ZNF831: variants seen among roughly 807,000 people sequenced by gnomAD.
ZNF831 encodes chromosome 20 open reading frame 174.
A neutral mutation model predicts 95.8 loss-of-function variants in ZNF831; 59 were observed. The observed-to-expected ratio is 0.62, with a 90% CI of 0.50 to 0.77. The LOEUF (loss-of-function observed/expected upper bound fraction) is 0.77. Among genes scored for constraint, ZNF831 ranks in the 30% least tolerant of loss-of-function variants. The pLI, the probability that ZNF831 is intolerant of heterozygous loss-of-function variation, is 0.00. For missense variants in ZNF831, 2,205 were observed against 2,164.0 expected, an observed-to-expected ratio of 1.02 and a Z score of -0.38; for synonymous variants, 961 against 925.5, an observed-to-expected ratio of 1.04 and a Z score of -0.70.
chr20:59,192,653 G>A lies in ZNF831; in HGVS notation c.1634G>A (p.Arg545His), dbSNP rs772646602. The change falls in exon 2 of 6, where the codon CGC (arginine) becomes CAC (histidine). Residue 545 changes from arginine to histidine, a missense_variant. By Grantham distance (29) the Arg-to-His change is conservative (BLOSUM62 0). Transcript: ENST00000371030. The surrounding 1 kb of genome is among the most constrained non-coding windows in gnomAD (Gnocchi z 5.2). ...PRPGPARLGC[R>H]SGLSSTDVPS... ...CCCGGCCCAGCCCGCCTGGGCTGCC[G>A]CTCGGGACTAAGCTCGACTGACGTT... is the stretch of plus-strand genomic sequence containing the variant. The A allele has an allele frequency of 1.3e-5, 20 of 1,514,052 alleles. No homozygotes were observed. The highest frequency in any genetic ancestry group is 1.4e-5 in the Non-Finnish European group (16 of 1,132,506). The allele number at this position is 1,514,052 out of a possible 1,614,324, so 93.8% of individuals were successfully genotyped here.
intron 4 of ZNF831, among the ~76,000 whole-genome samples, chr20:59,231,121 C>T (rs924333509): frequency 1.1e-4 from 16 of 152,196 alleles, no homozygotes; most frequent in East Asian, 5.8e-4. Flanking sequence ...TAAGGACATG[C>T]GGTGGATATT....
At chr20:59,149,702 C>T (rs1035647181) in intron 2 of ZNF831, among the ~76,000 whole-genome samples, 1 of 152,254 alleles carries the variant, frequency 6.6e-6, no homozygotes, top group African/African-American at 2.4e-5. Flanking sequence ...GGGCCCCCAA[C>T]ACATGTTTCA....
intron 3 of ZNF831, among the ~76,000 whole-genome samples, chr20:59,196,801 T>C (rs574352443): frequency 6.6e-6 from 1 of 152,254 alleles, no homozygotes; most frequent in Admixed American, 6.5e-5. Context: ...TTTTTGAGAC[T>C]GAGTCTGACT....
rs756594900 is a variant in ZNF831 at position 59,191,808 on chromosome 20, C to A, written c.789C>A (p.Thr263=). ...PLLAKNLDVR[T]EAAPCPGSAF... ...TTGCCAAGAACCTGGATGTGAGGACCGAAGCTGCTCCCTGTCCAGGGTCCG... is the reference window on the plus strand; with the variant it reads ...TTGCCAAGAACCTGGATGTGAGGACAGAAGCTGCTCCCTGTCCAGGGTCCG... Residue 263 remains threonine (T), a synonymous_variant, in exon 2 of 6, where the codon ACC becomes ACA. Coordinates refer to ENST00000371030, the MANE Select transcript of ZNF831 (RefSeq NM_178457.3). 5 of 1,613,330 alleles carry A rather than the reference C, an allele frequency of 3.1e-6. No homozygotes were observed. The highest frequency in any genetic ancestry group is 4.2e-6 in the Non-Finnish European group (5 of 1,179,938).
chr20:59,230,200 A>T (rs1472795477), intron 4 of ZNF831, among the ~76,000 whole-genome samples: 12 of 152,130 alleles, frequency 7.9e-5, no homozygotes, highest in Admixed American at 6.5e-4. Context: ...AGATAATTAA[A>T]TTTTTTTTGT....
At chr20:59,243,283 C>G (rs954807879) in intron 4 of ZNF831, among the ~76,000 whole-genome samples, 1 of 152,142 alleles carries the variant, frequency 6.6e-6, no homozygotes, top group Non-Finnish European at 1.5e-5. Flanking sequence ...AACGCAGCTG[C>G]CTTTCATTGA....
At chr20:59,179,528 C>A (rs142851481) in intron 1 of ZNF831, among the ~76,000 whole-genome samples, 1 of 151,986 alleles carries the variant, frequency 6.6e-6, no homozygotes, top group Non-Finnish European at 1.5e-5. Flanking sequence ...GAGGGGCCAC[C>A]CTCCCTCTAA....
intron 4 of ZNF831, among the ~76,000 whole-genome samples, chr20:59,251,729 C>T (rs1326166523): frequency 2.0e-5 from 3 of 152,138 alleles, no homozygotes; most frequent in Non-Finnish European, 4.4e-5. Flanking sequence ...GAAATGAAAC[C>T]TCAGACAATT....
chr20:59,161,841 G>A (rs2146473614), upstream of ZNF831, among the ~76,000 whole-genome samples: 1 of 152,270 alleles, frequency 6.6e-6, no homozygotes, highest in Admixed American at 6.5e-5. Context: ...TATCCAAACT[G>A]TTTTCCACAG....
intron 4 of ZNF831, among the ~76,000 whole-genome samples, chr20:59,209,122 T>C (rs1985113584): frequency 6.6e-6 from 1 of 152,232 alleles, no homozygotes; most frequent in Admixed American, 6.5e-5. Context: ...TTGGCAGATC[T>C]GTTTGCTTCC....
intron 1 of ZNF831, among the ~76,000 whole-genome samples, chr20:59,172,581 C>A (rs995631547): frequency 1.3e-5 from 2 of 152,194 alleles, no homozygotes; most frequent in Non-Finnish European, 2.9e-5. Flanking sequence ...GCCCAGCAGG[C>A]ATATTTCCCA....
chr20:59,184,930 G>C (rs987750780), intron 1 of ZNF831, among the ~76,000 whole-genome samples: 3 of 152,098 alleles, frequency 2.0e-5, no homozygotes, highest in Non-Finnish European at 4.4e-5. Flanking sequence ...AACTGTTTGT[G>C]GGGGGGAATT....
In ZNF831 at chr20:59,193,360, CCGGA is replaced by C; in HGVS notation, c.2343_2346del (p.Asp782ProfsTer24). On this transcript the variant is annotated frameshift_variant, in exon 2 of 6. Coordinates refer to ENST00000371030, the MANE Select transcript of ZNF831 (RefSeq NM_178457.3). LOFTEE classifies it high-confidence loss of function. ...TGTAGAGGCTCCCAGGCCAGTTTGG[CCGGA>C]CCCCAAGCTGGAAGGAGGTGCCCGA... 6.2e-7 allele frequency: 1 copy of C among 1,609,508 alleles called. No individual in the cohort carries two copies. The highest frequency in any genetic ancestry group is 8.5e-7 in the Non-Finnish European group (1 of 1,177,768).
chr20:59,221,746 C>CTTTG (rs1986088348), intron 4 of ZNF831, among the ~76,000 whole-genome samples: 1 of 152,170 alleles, frequency 6.6e-6, no homozygotes, highest in Non-Finnish European at 1.5e-5. Context: ...CCTTAACTTC[C>CTTTG]AAAGGACATG....
intron 1 of ZNF831, among the ~76,000 whole-genome samples, chr20:59,185,593 A>G (rs1434617625): frequency 6.6e-6 from 1 of 151,716 alleles, no homozygotes; most frequent in Non-Finnish European, 1.5e-5. Flanking sequence ...CAGTCACTTC[A>G]GGGCCTTTCT....
rs183636700 is a variant in ZNF831 at position 59,192,628 on chromosome 20, C to A, written c.1609C>A (p.Pro537Thr). 8.2e-3 allele frequency: 12,340 copies of A among 1,497,728 alleles called. 61 individuals are homozygous for A. The highest frequency in any genetic ancestry group is 9.7e-3 in the Non-Finnish European group (10,885 of 1,126,170). 92.8% of individuals were successfully genotyped at this position (1,497,728 alleles called of 1,614,324 possible). A position where few individuals can be genotyped will look rare whatever the true frequency, so the allele number is the denominator to read the frequency against. Residue 537 changes from proline to threonine, a missense_variant, in exon 2 of 6, where the codon CCC becomes ACC. Coordinates refer to ENST00000371030, the MANE Select transcript of ZNF831 (RefSeq NM_178457.3). The surrounding 1 kb of genome is among the most constrained non-coding windows in gnomAD (Gnocchi z 5.2). ...GACGCAGAAGCCTCTGAGCCCCAGG[C>A]CCGGCCCAGCCCGCCTGGGCTGCCG... ...SRTQKPLSPR[P>T]GPARLGCRSG...
At chr20:59,160,222 GT>G (rs1354659256), upstream of ZNF831, 1 of 152,250 alleles carries the variant, frequency 6.6e-6, no homozygotes, top group African/African-American at 2.4e-5. Flanking sequence ...CACAAATTGT[GT>G]TCCTTGGTAT....
intron 1 of ZNF831, among the ~76,000 whole-genome samples, chr20:59,165,416 C>A (rs1357730096): frequency 1.3e-5 from 2 of 152,170 alleles, no homozygotes; most frequent in South Asian, 4.1e-4. Context: ...TTTATCCAAT[C>A]CTTTGAACAA....
At chr20:59,154,624 C>T (rs1980428641) in intron 2 of ZNF831, among the ~76,000 whole-genome samples, 1 of 152,222 alleles carries the variant, frequency 6.6e-6, no homozygotes, top group Non-Finnish European at 1.5e-5. Context: ...AAAACTTCTC[C>T]TGTGGCCTAA....
Sources: allele counts gnomAD v4.1 joint callset (sites outside exome capture counted in the v4.1 genomes callset), GRCh38; gene constraint gnomAD v4.1.1; non-coding constraint Gnocchi (gnomAD v3.1); transcripts MANE v1.5; gene names NCBI Gene and HGNC (gene_info 2026-07-23, HGNC 2026-07-21).